Variants in TBCK observed in about 807,000 individuals in gnomAD.
TBCK encodes TBC domain-containing protein kinase-like protein.
A neutral mutation model predicts 113.4 loss-of-function variants in TBCK; 99 were observed. The observed-to-expected ratio is 0.87, with a 90% CI of 0.74 to 1.03. The LOEUF (loss-of-function observed/expected upper bound fraction) is 1.03. Among genes scored for constraint, TBCK ranks in the 50% least tolerant of loss-of-function variants. TBCK has a pLI of 0.00. For missense variants in TBCK, 1,045 were observed against 1,061.3 expected (o/e 0.98, Z 0.21); for synonymous variants, 369 against 370.8 (o/e 1.00, Z 0.05).
chr4:106,118,189 T>C (rs945941108), intron 23 of TBCK, among the ~76,000 whole-genome samples: 9 of 152,176 alleles, frequency 5.9e-5, no homozygotes, highest in African/African-American at 1.7e-4. Flanking sequence ...ACTTAGAATA[T>C]CCAATTTAGA....
At chr4:106,152,124 T>C (rs879851465) in intron 23 of TBCK, among the ~76,000 whole-genome samples, 3 of 151,976 alleles carry the variant, frequency 2.0e-5, no homozygotes, top group Non-Finnish European at 4.4e-5. Flanking sequence ...GTGTGATGAA[T>C]AACAGTAGTT....
At chr4:106,261,069 T>C (rs1762461915) in intron 4 of TBCK, among the ~76,000 whole-genome samples, 1 of 152,052 alleles carries the variant, frequency 6.6e-6, no homozygotes, top group African/African-American at 2.4e-5. Context: ...TCTTAATAAA[T>C]GATAAATATA....
At chr4:106,261,386 A>G (rs1402789019) in intron 4 of TBCK, among the ~76,000 whole-genome samples, 1 of 151,990 alleles carries the variant, frequency 6.6e-6, no homozygotes, top group Admixed American at 6.6e-5. Flanking sequence ...GGGCTCAAGC[A>G]ATGTTCTCAT....
chr4:106,242,525 C>A lies in TBCK; in HGVS notation c.1115G>T (p.Arg372Ile), dbSNP rs763329849. ...AGTGGTATCATCTAAAAGCGAGCTT[C>A]TATCTCGACCTTGTCCAAAGCTTTC... ...DGESFGQGRD[R>I]SSLLDDTTVT... Residue 372 changes from arginine to isoleucine, a missense_variant, in exon 12 of 26, where the codon AGA becomes ATA. Coordinates refer to ENST00000394708, the MANE Select transcript of TBCK (RefSeq NM_001163435.3). 6 of 1,608,872 alleles carry A rather than the reference C, an allele frequency of 3.7e-6. No individual in the cohort carries two copies. The highest frequency in any genetic ancestry group is 5.1e-6 in the Non-Finnish European group (6 of 1,177,688).
intron 20 of TBCK, among the ~76,000 whole-genome samples, chr4:106,199,441 A>T (rs747074704): frequency 3.0e-4 from 45 of 151,818 alleles, no homozygotes; most frequent in Non-Finnish European, 4.9e-4. Flanking sequence ...GTTCTTAGAT[A>T]CCTTTTCTTT....
chr4:106,085,383 A>T (rs1739380068), intron 25 of TBCK, among the ~76,000 whole-genome samples: 1 of 152,232 alleles, frequency 6.6e-6, no homozygotes, highest in South Asian at 2.1e-4. Flanking sequence ...GGCATTACAC[A>T]ATGGTAAAGG....
chr4:106,180,052 T>C (rs959700692), intron 22 of TBCK, among the ~76,000 whole-genome samples: 2 of 152,036 alleles, frequency 1.3e-5, no homozygotes, highest in African/African-American at 4.8e-5. Context: ...ATATGTACAG[T>C]TGCTTCAGCT....
chr4:106,114,574 G>A (rs1249526991), intron 24 of TBCK, among the ~76,000 whole-genome samples: 1 of 152,170 alleles, frequency 6.6e-6, no homozygotes, highest in African/African-American at 2.4e-5. Context: ...TCTATAAGCA[G>A]CCAGGTCCTC....
chr4:106,250,790 T>C (rs890161219), intron 6 of TBCK, among the ~76,000 whole-genome samples: 2 of 151,994 alleles, frequency 1.3e-5, no homozygotes, highest in Non-Finnish European at 2.9e-5. Context: ...CCAGGCCATA[T>C]GGAGTCTTAC....
intron 23 of TBCK, among the ~76,000 whole-genome samples, chr4:106,122,594 A>T (rs1453912729): frequency 6.6e-6 from 1 of 152,228 alleles, no homozygotes; most frequent in Non-Finnish European, 1.5e-5. Flanking sequence ...TTAGACCAAC[A>T]TCCCTGATGA....
upstream of TBCK, chr4:106,316,549 T>TG: frequency 6.4e-7 from 1 of 1,551,674 alleles, no homozygotes; most frequent in Non-Finnish European, 8.7e-7. Flanking sequence ...TGGACCTACA[T>TG]GCTTCCTGCT....
At chr4:106,172,264 C>T (rs1055972471) in intron 22 of TBCK, among the ~76,000 whole-genome samples, 5 of 152,108 alleles carry the variant, frequency 3.3e-5, no homozygotes, top group Non-Finnish European at 7.4e-5. Flanking sequence ...CCTTTTGTTT[C>T]TCATGTTTGA....
intron 23 of TBCK, among the ~76,000 whole-genome samples, chr4:106,162,740 C>A (rs925380173): frequency 6.6e-6 from 1 of 152,144 alleles, no homozygotes; most frequent in African/African-American, 2.4e-5. Context: ...ACAGCTGAAG[C>A]TGAAGTCACT....
chr4:106,073,962 C>G (rs1026163619), intron 25 of TBCK, among the ~76,000 whole-genome samples: 1 of 152,160 alleles, frequency 6.6e-6, no homozygotes, highest in Non-Finnish European at 1.5e-5. Flanking sequence ...TTTGCTAAGA[C>G]CATTGGAAAA....
rs2305685 is a variant in TBCK, at chr4:106,233,633, C to G, written c.1467G>C (p.Lys489Asn). 1.6e-4 allele frequency: 261 copies of G among 1,610,438 alleles called. 5 individuals are homozygous for G. The East Asian group carries it at 5.7e-3, about 35-fold the overall frequency. ...LLGVEGAIHA[K>N]YDAIDKDTPI... ...GAGTGTCTTTATCAATTGCATCGTA[C>G]TTGGCATGAATAGCTCCCTGCAAAA... Residue 489 changes from lysine (K) to asparagine (N), a missense_variant, in exon 16 of 26, where the codon AAG (lysine) becomes AAC (asparagine). Physicochemically the swap from Lys to Asn is moderately conservative, Grantham distance 94. Coordinates refer to ENST00000394708, the MANE Select transcript of TBCK (RefSeq NM_001163435.3).
chr4:106,123,264 C>A (rs1025339880), intron 23 of TBCK, among the ~76,000 whole-genome samples: 3 of 152,156 alleles, frequency 2.0e-5, no homozygotes, highest in African/African-American at 7.2e-5. Flanking sequence ...AGTGAACTCC[C>A]ATTCACAATT....
intron 22 of TBCK, among the ~76,000 whole-genome samples, chr4:106,185,589 T>C (rs975952615): frequency 6.6e-6 from 1 of 152,126 alleles, no homozygotes; most frequent in African/African-American, 2.4e-5. Flanking sequence ...GAACTTACAT[T>C]TTTTAAAAGA....
At chr4:106,197,411 G>GTGTATATATATATATATATATATATA (rs35695611) in intron 20 of TBCK, among the ~76,000 whole-genome samples, 14 of 122,454 alleles carry the variant, frequency 1.1e-4, no homozygotes, top group African/African-American at 4.3e-4. Flanking sequence ...GTGTGTGTGT[G>GTGTATATATATATATATATATATATA]TATATATATA....
chr4:106,138,762 T>G (rs968627141), intron 23 of TBCK, among the ~76,000 whole-genome samples: 9 of 141,214 alleles, frequency 6.4e-5, no homozygotes, highest in Admixed American at 6.3e-4. Flanking sequence ...TTTCCTACAC[T>G]CAGGTGAACA....
Sources: gnomAD v4.1 joint callset for allele counts (sites outside exome capture counted in the v4.1 genomes callset) on GRCh38, gnomAD v4.1.1 for gene constraint, MANE v1.5 for transcripts, NCBI Gene and HGNC (gene_info 2026-07-23, HGNC 2026-07-21) for gene names.